The following KDM3A variants were observed in gnomAD, a reference collection of about 807,000 sequenced individuals.
KDM3A encodes the protein lysine demethylase 3A.
Under a neutral mutation model 158.0 loss-of-function variants are expected in KDM3A, and 60 were observed. The observed-to-expected ratio is 0.38, with a 90% confidence interval of 0.31 to 0.47. The LOEUF (loss-of-function observed/expected upper bound fraction) is 0.47. KDM3A is among the 20% of genes least tolerant of loss of function. The pLI is 0.99. For synonymous variants in KDM3A, 608 were observed against 549.3 expected, an observed-to-expected ratio of 1.11 and a Z score of -1.49; for missense variants, 1,319 against 1,574.3, an observed-to-expected ratio of 0.84 and a Z score of 2.74.
chr2:86,470,332 C>A lies in KDM3A; in HGVS notation c.1648C>A (p.Arg550Ser). 6.2e-7 allele frequency: 1 copy of A among 1,614,062 alleles called. No homozygotes were observed. The highest frequency in any genetic ancestry group is 8.5e-7 in the Non-Finnish European group (1 of 1,179,976). Residue 550 changes from arginine to serine, a missense_variant, in exon 11 of 26, where the codon CGC (arginine) becomes AGC (serine). Coordinates refer to ENST00000312912, the MANE Select transcript of KDM3A (RefSeq NM_018433.6). ...VAQLPKCREC[R>S]LDSLRKDKEQ... ...ACAGTTGCCTAAATGCCGAGAGTGT[C>A]GCTTGGACAGTCTCCGCAAGGATAA...
At chr2:86,491,755 T>C in intron 25 of KDM3A, 2 of 395,544 alleles carry the variant, frequency 5.1e-6, no homozygotes, top group Non-Finnish European at 9.1e-6. Context: ...TGATAAAAGC[T>C]GTACCTTGGA....
intron 8 of KDM3A, among the ~76,000 whole-genome samples, chr2:86,458,253 C>G (rs1170888345): frequency 6.6e-6 from 1 of 152,158 alleles, no homozygotes; most frequent in South Asian, 2.1e-4. Context: ...GGTTAATTGG[C>G]TTTCTTGAAT....
intron 12 of KDM3A, among the ~76,000 whole-genome samples, chr2:86,477,184 C>T (rs1040782451): frequency 3.9e-5 from 6 of 152,210 alleles, no homozygotes; most frequent in East Asian, 1.9e-4. Flanking sequence ...GTGGAATCCC[C>T]GGTCGTGCCT....
chr2:86,451,286 G>A lies in KDM3A; in HGVS notation c.453+73G>A. 4.3e-6 allele frequency: 4 copies of A among 936,126 alleles called. No individual in the cohort carries two copies. The South Asian group carries it at 5.1e-5, about 12-fold the overall frequency. 58.0% of individuals were successfully genotyped at this position (936,126 alleles called of 1,614,324 possible). A position where few individuals can be genotyped will look rare whatever the true frequency, so the allele number is the denominator to read the frequency against. Reference sequence around the variant, plus strand: ...CCTTTAACATGAGAAGTAAAGTACAGTTGAACCTTAAATAGTGTGGGTATT... The same window carrying A: ...CCTTTAACATGAGAAGTAAAGTACAATTGAACCTTAAATAGTGTGGGTATT... On this transcript the variant is annotated intron_variant, in intron 4 of 25. Coordinates refer to ENST00000312912, the MANE Select transcript of KDM3A (RefSeq NM_018433.6).
chr2:86,490,737 C>T, intron 23 of KDM3A, 144 bp from the exon 24 acceptor site: 1 of 589,228 alleles, frequency 1.7e-6, no homozygotes. Context: ...GTCTTTGATA[C>T]TACTAGTCGT....
intron 21 of KDM3A, 143 bp from the exon 22 acceptor site, chr2:86,489,175 A>AT (rs772192762): frequency 9.5e-6 from 9 of 951,742 alleles, no homozygotes; most frequent in East Asian, 2.6e-5. Context: ...TGGTTAAAGA[A>AT]TTTTTTTGCA....
At chr2:86,485,381 A>T (rs1229560972) in intron 20 of KDM3A, among the ~76,000 whole-genome samples, 1 of 152,242 alleles carries the variant, frequency 6.6e-6, no homozygotes, top group African/African-American at 2.4e-5. Context: ...GTTAGACAAG[A>T]AGACATCTAC....
At chr2:86,473,698 G>A (rs767621135) in intron 11 of KDM3A, among the ~76,000 whole-genome samples, 1 of 152,122 alleles carries the variant, frequency 6.6e-6, no homozygotes, top group East Asian at 1.9e-4. Flanking sequence ...GCCATGAGCC[G>A]TAATCATACC....
chr2:86,480,426 G>C (rs1310953901), intron 16 of KDM3A, 64 bp downstream of exon 16: 1 of 1,383,818 alleles, frequency 7.2e-7, no homozygotes, highest in African/African-American at 1.4e-5. Flanking sequence ...AAGGACTTGA[G>C]AGAACAGTGG....
rs1674150260 is a variant in KDM3A at position 86,485,862 on chromosome 2, A to G, written c.3313+3A>G. 2 of 1,608,072 alleles carry G rather than the reference A, an allele frequency of 1.2e-6. No individual in the cohort carries two copies. Among genetic ancestry groups the G allele is most frequent in the Non-Finnish European group, 1.7e-6 (2 of 1,175,198 alleles). On this transcript the variant is annotated splice_donor_region_variant and intron_variant, in intron 21 of 25. Transcript: ENST00000312912. Reference sequence around the variant, plus strand: ...CCCCAAGATGTATAATGCTTATGGTAAGGAGGAGATGGCTAACTTTAAAAT... The same window carrying G: ...CCCCAAGATGTATAATGCTTATGGTGAGGAGGAGATGGCTAACTTTAAAAT...
intron 17 of KDM3A, among the ~76,000 whole-genome samples, 178 bp downstream of exon 17, chr2:86,482,280 C>CT (rs1256854829): frequency 2.0e-5 from 3 of 152,290 alleles, no homozygotes; most frequent in Admixed American, 2.0e-4. Flanking sequence ...AGCTGGGCCA[C>CT]TTTCTCCTGT....
chr2:86,437,202 G>A (rs147616905), upstream of KDM3A, among the ~76,000 whole-genome samples: 32 of 151,804 alleles, frequency 2.1e-4, 1 homozygote, highest in East Asian at 5.8e-3. Context: ...GTGCAGTGGC[G>A]TGATCTCAGC....
At chr2:86,455,787 AC>A (rs2104641951) in intron 5 of KDM3A, among the ~76,000 whole-genome samples, 1 of 151,704 alleles carries the variant, frequency 6.6e-6, no homozygotes, top group African/African-American at 2.4e-5. Flanking sequence ...GTCGATCTCT[AC>A]AAAACATTTT....
chr2:86,466,484 C>A lies in KDM3A; in HGVS notation c.1120C>A (p.Gln374Lys). ...AGCAGGGTTGCTCTCAAAGTCCTCT[C>A]AGATTGGAACTGGAGACTTGAAAAT... ...CKAGLLSKSS[Q>K]IGTGDLKILT... Residue 374 changes from glutamine to lysine, a missense_variant, in exon 10 of 26, where the codon CAG (glutamine) becomes AAG (lysine). This residue lies in a region of KDM3A where 652 missense variants were observed against 627.2 expected (regional missense o/e 1.04). Transcript: ENST00000312912. 6.2e-7 allele frequency: 1 copy of A among 1,613,910 alleles called. No homozygotes were observed. Among genetic ancestry groups the A allele is most frequent in the South Asian group, 1.1e-5 (1 of 91,068 alleles).
chr2:86,489,704 AATATT>A (rs1181806541), intron 23 of KDM3A, 45 bp downstream of exon 23: 7 of 1,563,794 alleles, frequency 4.5e-6, no homozygotes, highest in Non-Finnish European at 6.1e-6. Context: ...AAGGAATAGC[AATATT>A]ATGTTACTAC....
intron 8 of KDM3A, among the ~76,000 whole-genome samples, chr2:86,460,371 G>A (rs1374748890): frequency 6.6e-6 from 1 of 152,132 alleles, no homozygotes. Context: ...CACTGGCCTG[G>A]CCTAGATTTC....
chr2:86,450,048 C>T, intron 3 of KDM3A, 86 bp downstream of exon 3: 2 of 1,357,432 alleles, frequency 1.5e-6, no homozygotes, highest in Non-Finnish European at 2.0e-6. Flanking sequence ...AATGTAATGC[C>T]AGAAAGTCAG....
intron 2 of KDM3A, among the ~76,000 whole-genome samples, chr2:86,445,192 G>T (rs1467421037): frequency 1.3e-5 from 2 of 151,990 alleles, no homozygotes; most frequent in African/African-American, 4.8e-5. Context: ...ACACTGCTTG[G>T]CATGTAGTGT....
At chr2:86,441,813 G>A (rs1356065339) in intron 1 of KDM3A, among the ~76,000 whole-genome samples, 2 of 150,178 alleles carry the variant, frequency 1.3e-5, no homozygotes, top group African/African-American at 4.9e-5. Flanking sequence ...TTGGGAGAGC[G>A]AGGGTCACGC....
Sources: gnomAD v4.1 joint callset for allele counts (sites outside exome capture counted in the v4.1 genomes callset) on GRCh38, gnomAD v4.1.1 for gene constraint, gnomAD v4.1.1 regional missense constraint, MANE v1.5 for transcripts, NCBI Gene and HGNC (gene_info 2026-07-23, HGNC 2026-07-21) for gene names.